The following KCNAB2 variants were observed in gnomAD, a reference collection of about 807,000 sequenced individuals.
KCNAB2 encodes the protein voltage-gated potassium channel subunit beta-2.
A neutral mutation model predicts 63.6 loss-of-function variants in KCNAB2; 29 were observed. The observed-to-expected ratio is 0.46, with a 90% CI of 0.34 to 0.62. The LOEUF (loss-of-function observed/expected upper bound fraction) is 0.62, where lower values mean the gene tolerates loss of function less well. Ranked by LOEUF, KCNAB2 falls within the 20% of genes least tolerant of loss-of-function variation. The pLI is 0.01. For synonymous variants in KCNAB2, 222 were observed against 224.2 expected (o/e 0.99, Z 0.09); for missense variants, 359 against 563.9 (o/e 0.64, Z 3.68).
chr1:6,020,404 C>T (rs769993615), intron 1 of KCNAB2, among the ~76,000 whole-genome samples: 2 of 152,068 alleles, frequency 1.3e-5, no homozygotes, highest in Non-Finnish European at 2.9e-5. Flanking sequence ...CTTCTGCCCC[C>T]AATCCAGCCT....
At chr1:6,054,837 G>A (rs754511365) in intron 2 of KCNAB2, among the ~76,000 whole-genome samples, 5 of 152,208 alleles carry the variant, frequency 3.3e-5, no homozygotes, top group Non-Finnish European at 4.4e-5. Context: ...GATTGGTTGC[G>A]GGAGGGGACA....
rs1663880017 is a variant in KCNAB2, at chr1:6,078,440, G to A, written c.301-3755G>A. ...CAGAGAAGAAAGTAGAAAAAGGAGG[G>A]CAGGGGGGCGGGGGTCCTGACGACA... On this transcript the variant is annotated intron_variant, in intron 4 of 15. Transcript: ENST00000378083. This position sits in a 1 kb window ranked among gnomAD's most constrained non-coding sequence, Gnocchi z 4.2. Among the ~76,000 whole-genome samples the A allele has an allele frequency of 1.3e-5, 2 of 152,026 alleles. No homozygotes were observed. The highest frequency in any genetic ancestry group is 1.3e-4 in the Admixed American group (2 of 15,272).
chr1:6,017,088 A>AC (rs1658549836), intron 1 of KCNAB2, among the ~76,000 whole-genome samples: 1 of 151,650 alleles, frequency 6.6e-6, no homozygotes, highest in African/African-American at 2.4e-5. Flanking sequence ...CTTCAGTGAG[A>AC]CCCCCTCCCC....
chr1:6,042,846 C>A (rs1438839703), upstream of KCNAB2, among the ~76,000 whole-genome samples: 5 of 93,026 alleles, frequency 5.4e-5, 1 homozygote, highest in East Asian at 9.6e-4. Context: ...ACTCCCCACC[C>A]CCCCCCCCGT....
At chr1:6,014,171 A>G (rs746293939) in intron 1 of KCNAB2, among the ~76,000 whole-genome samples, 11 of 152,206 alleles carry the variant, frequency 7.2e-5, no homozygotes, top group Non-Finnish European at 1.5e-4. Context: ...CTGCCCACAC[A>G]TTAATACAGC....
chr1:6,011,939 G>C (rs1414940404), intron 1 of KCNAB2, among the ~76,000 whole-genome samples: 1 of 152,226 alleles, frequency 6.6e-6, no homozygotes, highest in Non-Finnish European at 1.5e-5. Flanking sequence ...GTAGTGCTCA[G>C]AGGACAATGA....
intron 1 of KCNAB2, among the ~76,000 whole-genome samples, chr1:6,002,206 C>A (rs1014561118): frequency 6.6e-6 from 1 of 152,208 alleles, no homozygotes; most frequent in African/African-American, 2.4e-5. Context: ...CAGAGAGAAG[C>A]CTTCAGAACC....
rs1008827360 is a variant in KCNAB2 at position 6,073,383 on chromosome 1, T to C, written c.263-350T>C. ...AGCACGCAGACGCGGCTGTCAGACCTGGTGTGTTTTCAGAGAGGCATCCCT... is the reference window on the plus strand; with the variant it reads ...AGCACGCAGACGCGGCTGTCAGACCCGGTGTGTTTTCAGAGAGGCATCCCT... On this transcript the variant is annotated intron_variant, in intron 3 of 15. Transcript: ENST00000378083. The surrounding 1 kb of genome is among the most constrained non-coding windows in gnomAD (Gnocchi z 5.7). 3.9e-5 allele frequency among the ~76,000 whole-genome samples: 6 copies of C among 152,014 alleles called. No homozygotes were observed. Among genetic ancestry groups the C allele is most frequent in the Admixed American group, 3.9e-4 (6 of 15,264 alleles).
At position 6,100,272 on chromosome 1, in the gene KCNAB2, C is replaced by CT; in HGVS notation, c.*1698_*1699insT. 1.9e-6 allele frequency: 1 copy of CT among 527,278 alleles called. No individual in the cohort carries two copies. Among genetic ancestry groups the CT allele is most frequent in the Non-Finnish European group, 3.1e-6 (1 of 321,334 alleles). The allele number at this position is 527,278 out of a possible 1,614,324, so 32.7% of individuals were successfully genotyped here. A position where few individuals can be genotyped will look rare whatever the true frequency, so the allele number is the denominator to read the frequency against. ...ATTACCGACCCCCCTTCATGCTGCCCCTGGCGCCTAGAACCCTTGCCCCTC... is the reference window on the plus strand; with the variant it reads ...ATTACCGACCCCCCTTCATGCTGCCCTCTGGCGCCTAGAACCCTTGCCCCTC... On this transcript the variant is annotated 3_prime_UTR_variant, in exon 16 of 16. Coordinates refer to ENST00000378083, the MANE Select transcript of KCNAB2 (RefSeq NM_001199862.2).
chr1:6,057,267 G>A (rs147374230), intron 2 of KCNAB2, among the ~76,000 whole-genome samples: 5 of 151,904 alleles, frequency 3.3e-5, no homozygotes, highest in Admixed American at 6.6e-5. Context: ...TGTGCTTTCT[G>A]ACTCTAGATC....
chr1:6,016,919 C>T lies in KCNAB2; in HGVS notation c.-52-23598C>T, dbSNP rs564905821. 2.6e-5 allele frequency among the ~76,000 whole-genome samples: 4 copies of T among 152,298 alleles called. No homozygotes were observed. The East Asian group carries it at 7.7e-4, about 29-fold the overall frequency. ...CGGTTATGAAAGCGGATTTGTGTGTCACATCCCCAGGAGAGGAGGTTATGG... is the reference window on the plus strand; with the variant it reads ...CGGTTATGAAAGCGGATTTGTGTGTTACATCCCCAGGAGAGGAGGTTATGG... On this transcript the variant is annotated intron_variant, in intron 1 of 16. Transcript: ENST00000341524.
At chr1:6,001,228 G>A (rs1657238580) in intron 1 of KCNAB2, among the ~76,000 whole-genome samples, 1 of 151,894 alleles carries the variant, frequency 6.6e-6, no homozygotes, top group Admixed American at 6.6e-5. Context: ...GCGACCTGGA[G>A]GCCCCAGGCC....
At position 6,045,928 on chromosome 1, in the gene KCNAB2, G is replaced by A. The variant is rs142151721; in HGVS notation, c.-282G>A. ...GTTGCAGCACGGAACTGCACTTCCC[G>A]AGCTTTTAGGGGAAGAGGCACTCGT... On this transcript the variant is annotated 5_prime_UTR_variant, in exon 1 of 16. Coordinates refer to ENST00000378083, the MANE Select transcript of KCNAB2 (RefSeq NM_001199862.2). The surrounding 1 kb of genome is among the most constrained non-coding windows in gnomAD (Gnocchi z 4.8). 725 of 985,400 alleles carry A rather than the reference G, an allele frequency of 7.4e-4. 4 individuals carry two copies. In the African/African-American group the frequency reaches 0.012, roughly 16 times the overall value. The allele number at this position is 985,400 out of a possible 1,614,324, so 61.0% of individuals were successfully genotyped here. A position where few individuals can be genotyped will look rare whatever the true frequency, so the allele number is the denominator to read the frequency against.
upstream of KCNAB2, among the ~76,000 whole-genome samples, chr1:6,029,322 G>A (rs1344512454): frequency 3.3e-5 from 5 of 151,216 alleles, no homozygotes; most frequent in Admixed American, 1.3e-4. Flanking sequence ...TTCTGGGAAA[G>A]TGGAAAAGAC....
At chr1:6,083,483 G>C (rs568986259) in intron 5 of KCNAB2, among the ~76,000 whole-genome samples, 4 of 152,340 alleles carry the variant, frequency 2.6e-5, no homozygotes, top group African/African-American at 9.6e-5. Context: ...AGCTGGGCAA[G>C]TTCCCTGGGT....
Position 6,063,880 on chromosome 1 carries a change from T to G in KCNAB2, c.219-8875T>G, listed in dbSNP as rs141822220. Among the ~76,000 whole-genome samples the G allele has an allele frequency of 5.3e-3, 807 of 152,240 alleles. 5 individuals are homozygous for G. The highest frequency in any genetic ancestry group is 0.016 in the African/African-American group (679 of 41,530). On this transcript the variant is annotated intron_variant, in intron 2 of 15. Transcript: ENST00000378083. ...TTTTTGTGTGGGCGTATGTTTTCAG[T>G]TATTTGAGGACATAGCTAGCGGGGG...
At chr1:6,072,968 C>T (rs913792847) in intron 3 of KCNAB2, among the ~76,000 whole-genome samples, 170 bp downstream of exon 3, 1 of 150,466 alleles carries the variant, frequency 6.6e-6, no homozygotes, top group African/African-American at 2.4e-5. Flanking sequence ...GCCATGGCAA[C>T]AAAGAGGCAG....
chr1:6,094,663 C>T (rs573854399), intron 11 of KCNAB2, among the ~76,000 whole-genome samples, 178 bp downstream of exon 11: 13 of 152,310 alleles, frequency 8.5e-5, no homozygotes, highest in Middle Eastern at 6.8e-3. Flanking sequence ...GCCTTGCAGA[C>T]GGGGATTCTG....
At chr1:6,031,373 T>A (rs997057060), upstream of KCNAB2, among the ~76,000 whole-genome samples, 14 of 152,232 alleles carry the variant, frequency 9.2e-5, no homozygotes, top group Middle Eastern at 3.4e-3. The surrounding 1 kb of genome is among the most constrained non-coding windows in gnomAD (Gnocchi z 4.1). Flanking sequence ...CAGGGCACAT[T>A]TGCGCCCAAT....
Sources: allele counts gnomAD v4.1 joint callset (sites outside exome capture counted in the v4.1 genomes callset), GRCh38; gene constraint gnomAD v4.1.1; non-coding constraint Gnocchi (gnomAD v3.1); transcripts MANE v1.5; gene names NCBI Gene and HGNC (gene_info 2026-07-23, HGNC 2026-07-21).